Variants in PTGER3 observed in about 807,000 individuals in gnomAD.
PTGER3 encodes prostaglandin E receptor 3.
Under a neutral mutation model 34.7 loss-of-function variants are expected in PTGER3, and 22 were observed. The ratio of observed to expected loss-of-function variants is 0.63; its 90% CI spans 0.45 to 0.91. The LOEUF (loss-of-function observed/expected upper bound fraction) is 0.91. Ranked by LOEUF, PTGER3 falls within the 40% of genes least tolerant of loss-of-function variation. The pLI is 0.00. For synonymous variants in PTGER3, 241 were observed against 230.1 expected, an observed-to-expected ratio of 1.05 and a Z score of -0.43; for missense variants, 468 against 519.4, an observed-to-expected ratio of 0.90 and a Z score of 0.96.
At chr1:71,034,634 T>C (rs1286040023) in intron 1 of PTGER3, among the ~76,000 whole-genome samples, 1 of 152,172 alleles carries the variant, frequency 6.6e-6, no homozygotes, top group Non-Finnish European at 1.5e-5. Context: ...CTCTAACTAA[T>C]CCAAGAGCTA....
chr1:70,926,066 AAAG>A (rs1648052144), intron 4 of PTGER3, among the ~76,000 whole-genome samples: 1 of 152,208 alleles, frequency 6.6e-6, no homozygotes, highest in Admixed American at 6.6e-5. Flanking sequence ...TCTGTTTTAA[AAAG>A]AAAATATTGT....
intron 3 of PTGER3, among the ~76,000 whole-genome samples, chr1:70,973,161 A>G (rs981016686): frequency 6.0e-5 from 9 of 149,342 alleles, no homozygotes; most frequent in South Asian, 2.1e-4. Context: ...TGTGTTATAG[A>G]CATAGATAGA....
At chr1:70,917,439 G>GTA (rs1647203425) in intron 4 of PTGER3, among the ~76,000 whole-genome samples, 3 of 130,340 alleles carry the variant, frequency 2.3e-5, no homozygotes, top group South Asian at 2.4e-4. Flanking sequence ...GTGTGTGTGT[G>GTA]TGTATACAAT....
chr1:71,006,641 T>C (rs1277636813), intron 2 of PTGER3: 1 of 979,540 alleles, frequency 1.0e-6, no homozygotes, highest in Non-Finnish European at 1.2e-6. Context: ...AAAGAGCAAC[T>C]CTCATATTTA....
At chr1:71,045,046 G>C (rs1422778135) in intron 1 of PTGER3, among the ~76,000 whole-genome samples, 2 of 152,102 alleles carry the variant, frequency 1.3e-5, no homozygotes, top group African/African-American at 4.8e-5. Context: ...TAAAACTGGT[G>C]CTGGTTTTGA....
chr1:70,995,512 G>GAT (rs935371530), intron 2 of PTGER3, among the ~76,000 whole-genome samples: 2 of 152,106 alleles, frequency 1.3e-5, no homozygotes, highest in African/African-American at 4.8e-5. Context: ...GTATGAAAGT[G>GAT]ATATTTGAGC....
At chr1:70,954,242 C>G (rs1651080739) in intron 2 of PTGER3, among the ~76,000 whole-genome samples, 1 of 152,118 alleles carries the variant, frequency 6.6e-6, no homozygotes, top group Non-Finnish European at 1.5e-5. Flanking sequence ...CACCTGAACC[C>G]AGGCTGGCCA....
intron 2 of PTGER3, among the ~76,000 whole-genome samples, chr1:70,992,514 G>T (rs1412774224): frequency 6.6e-6 from 1 of 152,204 alleles, no homozygotes; most frequent in Non-Finnish European, 1.5e-5. Flanking sequence ...ATAGCGCTCT[G>T]TTGAACCAGT....
chr1:71,008,772 G>A (rs984286200), intron 2 of PTGER3: 1 of 959,296 alleles, frequency 1.0e-6, no homozygotes, highest in African/African-American at 1.8e-5. Flanking sequence ...ACAAGCAGCT[G>A]TGAAAATTTG....
At chr1:70,852,640 T>C (rs1645706257) in exon 5 of PTGER3, 2 of 665,618 alleles carry the variant, frequency 3.0e-6, no homozygotes, top group Non-Finnish European at 5.3e-6. Context: ...TTGATGTATG[T>C]AGATATAGTA....
intron 1 of PTGER3, among the ~76,000 whole-genome samples, chr1:71,017,529 T>C (rs995194723): frequency 6.6e-6 from 1 of 152,062 alleles, no homozygotes; most frequent in African/African-American, 2.4e-5. Flanking sequence ...ATTCTAATCC[T>C]CAGTGTTGGA....
rs1235545679 is a variant in PTGER3 at position 70,925,667 on chromosome 1, A to AT, written c.*23+28095_*23+28096insA. Among the ~76,000 whole-genome samples the AT allele has an allele frequency of 2.6e-5, 4 of 152,276 alleles. No individual in the cohort carries two copies. The East Asian group carries it at 5.8e-4, about 22-fold the overall frequency. ...TGTTCAAGAACAAACTAAACAACAT[A>AT]ATATTTATAAATAAATACATATGTT... On this transcript the variant is annotated intron_variant, in intron 4 of 4. Transcript: ENST00000370931.
chr1:71,008,665 T>A (rs557829025), intron 2 of PTGER3: 2 of 982,058 alleles, frequency 2.0e-6, no homozygotes, highest in Non-Finnish European at 2.4e-6. Flanking sequence ...CTCAGAAAAG[T>A]CTTATGGACT....
At chr1:70,926,209 C>A (rs1648067229) in intron 4 of PTGER3, among the ~76,000 whole-genome samples, 1 of 152,122 alleles carries the variant, frequency 6.6e-6, no homozygotes, top group South Asian at 2.1e-4. Context: ...TTTTCCAATT[C>A]TGTGAAGCAA....
At chr1:71,008,370 CATAAT>C (rs1657153264) in intron 2 of PTGER3, 1 of 863,552 alleles carries the variant, frequency 1.2e-6, no homozygotes, top group Non-Finnish European at 1.4e-6. Flanking sequence ...CTTATGGTAT[CATAAT>C]GTAATGGTAT....
At chr1:70,923,479 T>C (rs926536336) in intron 4 of PTGER3, among the ~76,000 whole-genome samples, 1 of 152,206 alleles carries the variant, frequency 6.6e-6, no homozygotes, top group South Asian at 2.1e-4. Context: ...TGTACAATTC[T>C]AACAGGTGTT....
At chr1:71,007,080 T>A in intron 2 of PTGER3, 1 of 984,712 alleles carries the variant, frequency 1.0e-6, no homozygotes, top group Non-Finnish European at 1.2e-6. Flanking sequence ...AAACTTTACA[T>A]AGAGGTGATA....
intron 4 of PTGER3, among the ~76,000 whole-genome samples, chr1:70,862,931 T>C (rs1348216459): frequency 6.6e-6 from 1 of 152,058 alleles, no homozygotes; most frequent in Admixed American, 6.6e-5. Flanking sequence ...CTAAGAAAGA[T>C]TGCAAAATAA....
intron 4 of PTGER3, among the ~76,000 whole-genome samples, chr1:70,890,803 C>T (rs1646600804): frequency 6.6e-6 from 1 of 152,168 alleles, no homozygotes; most frequent in Admixed American, 6.5e-5. Context: ...GTCCAAACTC[C>T]TAAGGCTGGC....
Sources: gnomAD v4.1 joint callset for allele counts (sites outside exome capture counted in the v4.1 genomes callset) on GRCh38, gnomAD v4.1.1 for gene constraint, MANE v1.5 for transcripts, NCBI Gene and HGNC (gene_info 2026-07-23, HGNC 2026-07-21) for gene names.